The following HGF variants were observed in gnomAD, a reference collection of about 807,000 sequenced individuals.
HGF encodes the protein hepatocyte growth factor.
A neutral mutation model predicts 111.6 loss-of-function variants in HGF; 39 were observed. The observed-to-expected ratio is 0.35, with a 90% CI of 0.27 to 0.46. HGF has a LOEUF of 0.46. HGF is among the 20% of genes least tolerant of loss of function. HGF has a pLI of 1.00. For synonymous variants in HGF, 285 were observed against 294.8 expected, an observed-to-expected ratio of 0.97 and a Z score of 0.34; for missense variants, 735 against 910.5, an observed-to-expected ratio of 0.81 and a Z score of 2.48.
intron 4 of HGF, 76 bp from the exon 5 acceptor site, chr7:81,752,338 G>T: frequency 8.1e-7 from 1 of 1,230,128 alleles, no homozygotes; most frequent in South Asian, 1.2e-5. Context: ...CTAATTAGTG[G>T]GTATGTTTTT....
intron 14 of HGF, among the ~76,000 whole-genome samples, chr7:81,706,746 T>C (rs1393391722): frequency 6.6e-6 from 1 of 152,124 alleles, no homozygotes; most frequent in East Asian, 1.9e-4. Context: ...AAATTTTGCT[T>C]TGTTTATGTC....
intron 2 of HGF, 90 bp from the exon 3 acceptor site, chr7:81,758,894 T>TGCCC: frequency 1.0e-5 from 8 of 790,214 alleles, no homozygotes; most frequent in Non-Finnish European, 1.5e-5. Flanking sequence ...TCCATGGGCA[T>TGCCC]ATGGACAATA....
intron 11 of HGF, among the ~76,000 whole-genome samples, chr7:81,715,562 T>C (rs1043403782): frequency 6.6e-6 from 1 of 152,072 alleles, no homozygotes; most frequent in African/African-American, 2.4e-5. Flanking sequence ...TATTTAGTTA[T>C]TTATTATTAT....
chr7:81,711,751 C>T (rs568628688), intron 11 of HGF, among the ~76,000 whole-genome samples: 54 of 152,254 alleles, frequency 3.5e-4, no homozygotes, highest in African/African-American at 1.3e-3. Flanking sequence ...TCAAGCGATT[C>T]TCCTGACTCA....
intron 7 of HGF, among the ~76,000 whole-genome samples, chr7:81,737,796 A>G (rs764488961): frequency 6.6e-6 from 1 of 152,268 alleles, no homozygotes; most frequent in South Asian, 2.1e-4. Flanking sequence ...TTTCTAATAT[A>G]GAAAAACATG....
In HGF at chr7:81,769,878, A is replaced by T. The variant is rs1789544589; in HGVS notation, c.88+6T>A. ...ACTAATAATGAAGAAGAAGAAGGGA[A>T]CTAACCTGCATAGGGGATGGCGATG... is the stretch of plus-strand genomic sequence containing the variant. On this transcript the variant is annotated splice_donor_region_variant and intron_variant, in intron 1 of 17. Transcript: ENST00000222390. 4 of 1,556,168 alleles carry T rather than the reference A, an allele frequency of 2.6e-6. No individual in the cohort carries two copies. The highest frequency in any genetic ancestry group is 3.5e-6 in the Non-Finnish European group (4 of 1,147,526).
At chr7:81,702,836 C>T (rs1789319324) in intron 17 of HGF, 79 bp from the exon 18 acceptor site, 1 of 1,168,182 alleles carries the variant, frequency 8.6e-7, no homozygotes, top group African/African-American at 1.6e-5. Context: ...TATAGATTTG[C>T]ATCTCAGAGA....
intron 2 of HGF, among the ~76,000 whole-genome samples, chr7:81,760,676 CGTGCGTGT>C (rs1388254558): frequency 4.5e-5 from 4 of 89,664 alleles, no homozygotes; most frequent in Admixed American, 1.4e-4. Context: ...TGTCTATGTG[CGTGCGTGT>C]GTGTGTGTGT....
At chr7:81,758,605 G>T in intron 3 of HGF, 87 bp downstream of exon 3, 1 of 849,622 alleles carries the variant, frequency 1.2e-6, no homozygotes, top group Non-Finnish European at 2.0e-6. Context: ...AAAAATCAGT[G>T]AGAAAGACCA....
At chr7:81,724,897 A>T (rs1789965430) in intron 9 of HGF, among the ~76,000 whole-genome samples, 1 of 152,120 alleles carries the variant, frequency 6.6e-6, no homozygotes, top group Admixed American at 6.5e-5. Context: ...TTTCAATCTG[A>T]TTTTACTACC....
chr7:81,705,679 C>A lies in HGF; in HGVS notation c.1832G>T (p.Ser611Ile), dbSNP rs141774517. 6.2e-7 allele frequency: 1 copy of A among 1,612,150 alleles called. No homozygotes were observed. The highest frequency in any genetic ancestry group is 8.5e-7 in the Non-Finnish European group (1 of 1,178,574). ...GTAGCCCCAGCCATAAACACTGCAA[C>A]TGGTCTTTTCAGGAATTGTGCATCC... The part of the protein sequence containing the change: ...NYGCTIPEKT[S>I]CSVYGWGYTG... Residue 611 changes from serine to isoleucine, a missense_variant, in exon 16 of 18, where the codon AGT becomes ATT. By Grantham distance (142) the Ser-to-Ile change is moderately radical. Around this residue, in one of 3 missense-constraint regions of HGF, gnomAD observed 130 missense variants for 129.9 expected, o/e 1.00. Transcript: ENST00000222390.
At chr7:81,732,349 A>T (rs891731037) in intron 7 of HGF, among the ~76,000 whole-genome samples, 1 of 152,202 alleles carries the variant, frequency 6.6e-6, no homozygotes, top group African/African-American at 2.4e-5. Context: ...AAGCAGCTTC[A>T]AAAGGCTGTT....
intron 2 of HGF, 95 bp downstream of exon 2, chr7:81,762,612 C>A (rs1789142081): frequency 2.1e-6 from 2 of 965,106 alleles, no homozygotes. Context: ...ATTTTATGAT[C>A]AAATCACATT....
At chr7:81,741,595 G>T (rs1448131065) in intron 7 of HGF, among the ~76,000 whole-genome samples, 1 of 151,572 alleles carries the variant, frequency 6.6e-6, no homozygotes, top group Non-Finnish European at 1.5e-5. Flanking sequence ...GTGTGTGTGT[G>T]TGTGTGTGTG....
intron 11 of HGF, among the ~76,000 whole-genome samples, chr7:81,711,780 A>AC (rs1789577222): frequency 6.6e-6 from 1 of 152,058 alleles, no homozygotes; most frequent in South Asian, 2.1e-4. Context: ...AGTAGCTGGA[A>AC]CCACAGGCAC....
intron 9 of HGF, among the ~76,000 whole-genome samples, chr7:81,721,446 A>G (rs1789860042): frequency 6.6e-6 from 1 of 152,232 alleles, no homozygotes; most frequent in Non-Finnish European, 1.5e-5. Flanking sequence ...CAAAGAAATA[A>G]GAATTTTTAG....
chr7:81,700,048 G>T lies in HGF; in HGVS notation c.*2533C>A, dbSNP rs1488616716. 1 of 151,772 alleles carries T rather than the reference G, an allele frequency of 6.6e-6. No homozygotes were observed. Among genetic ancestry groups the T allele is most frequent in the Non-Finnish European group, 1.5e-5 (1 of 67,772 alleles). 9.4% of individuals were successfully genotyped at this position (151,772 alleles called of 1,614,324 possible). A position where few individuals can be genotyped will look rare whatever the true frequency, so the allele number is the denominator to read the frequency against. On this transcript the variant is annotated 3_prime_UTR_variant, in exon 18 of 18. Transcript: ENST00000222390. ...CAATTCCTGGTAGACGTGAGAAAAT[G>T]TCTACAATTATAACAGTACATAACC...
At position 81,752,262 on chromosome 7, in the gene HGF, G is replaced by A. The variant is rs762973783; in HGVS notation, c.483C>T (p.Ser161=). The change falls in exon 5 of 18, where the codon AGC becomes AGT. Residue 161 remains serine, a splice_region_variant and synonymous_variant. Transcript: ENST00000222390. ...TACCCCGATAGCTCGAAGGCAAAAA[G>A]CTAGTTTTAAAATGATAATCATTAC... ...PWSSMIPHEH[S]FLPSSYRGKD... The A allele has an allele frequency of 9.9e-6, 16 of 1,612,900 alleles. No homozygotes were observed. Among genetic ancestry groups the A allele is most frequent in the Non-Finnish European group, 1.4e-5 (16 of 1,179,140 alleles).
At position 81,758,840 on chromosome 7, in the gene HGF, A is replaced by T. The variant is rs762776344; in HGVS notation, c.255-36T>A. The T allele has an allele frequency of 3.9e-6, 5 of 1,286,162 alleles. No homozygotes were observed. The East Asian group carries it at 1.2e-4, about 30-fold the overall frequency. 79.7% of individuals were successfully genotyped at this position (1,286,162 alleles called of 1,614,324 possible). On this transcript the variant is annotated intron_variant, in intron 2 of 17. Transcript: ENST00000222390. The stretch of plus-strand genomic sequence containing the variant: ...TATCAGAATGAAAAGAAGAAATACT[A>T]CTATTTATACAGTATTTAAAGAATG...
Sources: allele counts gnomAD v4.1 joint callset (sites outside exome capture counted in the v4.1 genomes callset), GRCh38; gene constraint gnomAD v4.1.1; regional missense constraint gnomAD v4.1.1; transcripts MANE v1.5; gene names NCBI Gene and HGNC (gene_info 2026-07-23, HGNC 2026-07-21).